CBR4: variants seen among roughly 807,000 people sequenced by gnomAD.
CBR4 encodes the protein 3-oxoacyl-[acyl-carrier-protein] reductase.
CBR4 carries 22 observed loss-of-function variants against 21.0 expected under a neutral mutation model. That is an observed-to-expected ratio of 1.05 (90% CI 0.75 to 1.50). The LOEUF (loss-of-function observed/expected upper bound fraction) is 1.50. Among genes scored for constraint, CBR4 ranks in the 40% most tolerant of loss-of-function variants. The pLI is 0.00. For missense variants in CBR4, 302 were observed against 286.3 expected, an observed-to-expected ratio of 1.05 and a Z score of -0.40; for synonymous variants, 100 against 104.4, an observed-to-expected ratio of 0.96 and a Z score of 0.26.
chr4:168,976,557 TGTA>T (rs1359112178), intron 2 of CBR4, among the ~76,000 whole-genome samples: 3 of 152,218 alleles, frequency 2.0e-5, no homozygotes, highest in East Asian at 1.9e-4. Flanking sequence ...GGGTGGATCT[TGTA>T]GTACATTCTC....
chr4:168,984,365 A>G (rs185738776), downstream of CBR4, among the ~76,000 whole-genome samples: 197 of 152,312 alleles, frequency 1.3e-3, 5 homozygotes, highest in Middle Eastern at 3.4e-3. Flanking sequence ...AAGCAATTCT[A>G]CAATGAGAAT....
intron 2 of CBR4, among the ~76,000 whole-genome samples, chr4:168,911,772 G>T (rs1179064673): frequency 6.6e-6 from 1 of 152,220 alleles, no homozygotes; most frequent in South Asian, 2.1e-4. Flanking sequence ...ATCTGAGCTA[G>T]AAATAATTCT....
In CBR4 at chr4:168,913,973, A is replaced by G. The variant is rs780764400; in HGVS notation, n.170-19208T>C. The G allele has an allele frequency of 2.5e-6, 4 of 1,613,578 alleles. No individual in the cohort carries two copies. The highest frequency in any genetic ancestry group is 2.5e-6 in the Non-Finnish European group (3 of 1,179,482). On this transcript the variant is annotated intron_variant and non_coding_transcript_variant, in intron 2 of 3. Coordinates refer to the CBR4 transcript ENST00000509108. ...CGGCTAATGGTACAGGCTGTCAACC[A>G]AAGAGGTCGAAGTCCCCGGTCTCCC...
At chr4:168,902,536 G>A (rs894577951) in intron 2 of CBR4, among the ~76,000 whole-genome samples, 10 of 152,050 alleles carry the variant, frequency 6.6e-5, no homozygotes, top group Non-Finnish European at 1.3e-4. Flanking sequence ...CAGCTACTCT[G>A]GAGGCTGAGG....
At chr4:168,898,777 C>T (rs1469967195) in intron 2 of CBR4, 46 of 991,078 alleles carry the variant, frequency 4.6e-5, no homozygotes, top group Non-Finnish European at 4.2e-5. Flanking sequence ...GCTTCCAAAA[C>T]ATAGCATGCC....
intron 2 of CBR4, chr4:168,926,105 G>T: frequency 1.1e-6 from 1 of 900,020 alleles, no homozygotes; most frequent in Non-Finnish European, 1.6e-6. Context: ...CCATGGATGT[G>T]TTCAGGTGCC....
chr4:168,934,273 C>CAAAAAAAAAAAAAAAA (rs1206272373), intron 2 of CBR4, among the ~76,000 whole-genome samples: 1 of 10,670 alleles, frequency 9.4e-5, no homozygotes, highest in Non-Finnish European at 2.0e-4. Context: ...ACTAGAAAAG[C>CAAAAAAAAAAAAAAAA]AAAAAAAACA....
chr4:168,975,845 T>C (rs1764355527), intron 2 of CBR4, among the ~76,000 whole-genome samples: 1 of 152,078 alleles, frequency 6.6e-6, no homozygotes, highest in South Asian at 2.1e-4. Context: ...CTCTGCTGCA[T>C]CATACAGGTT....
chr4:168,966,592 CT>C (rs1764043364), intron 2 of CBR4, among the ~76,000 whole-genome samples: 1 of 152,074 alleles, frequency 6.6e-6, no homozygotes, highest in Non-Finnish European at 1.5e-5. Context: ...AATAAGAACT[CT>C]TTTACACTGT....
intron 2 of CBR4, among the ~76,000 whole-genome samples, chr4:168,957,922 C>T (rs1450136969): frequency 2.0e-5 from 3 of 152,164 alleles, no homozygotes; most frequent in Non-Finnish European, 2.9e-5. Context: ...CTACACTCAG[C>T]ACTTCTTGCT....
rs1283336935 is a variant in CBR4 at position 168,928,523 on chromosome 4, C to CATT, written n.170-33761_170-33759dup. The CATT allele has an allele frequency of 3.0e-5, 5 of 164,722 alleles. 1 individual carries two copies. In the South Asian group the frequency reaches 8.1e-4, roughly 27 times the overall value. The allele number at this position is 164,722 out of a possible 1,614,324, so 10.2% of individuals were successfully genotyped here. A position where few individuals can be genotyped will look rare whatever the true frequency, so the allele number is the denominator to read the frequency against. On this transcript the variant is annotated intron_variant and non_coding_transcript_variant, in intron 2 of 3. Coordinates refer to the CBR4 transcript ENST00000509108. ...TGATGTTTGAGGCTTCAGCATCACT[C>CATT]ATTTATTACTCACAGTTCTGTAAAT... is the stretch of plus-strand genomic sequence containing the variant.
chr4:168,944,271 C>G (rs1763343300), intron 2 of CBR4, among the ~76,000 whole-genome samples: 2 of 151,314 alleles, frequency 1.3e-5, no homozygotes, highest in South Asian at 2.1e-4. Flanking sequence ...GTAGTGAGAC[C>G]CCCCATCTCT....
chr4:168,943,475 T>C (rs1448516542), intron 2 of CBR4, among the ~76,000 whole-genome samples: 1 of 152,222 alleles, frequency 6.6e-6, no homozygotes, highest in Non-Finnish European at 1.5e-5. Flanking sequence ...TTGAGAAAGC[T>C]AACTCAGCCA....
intron 2 of CBR4, among the ~76,000 whole-genome samples, chr4:168,920,437 CTTCAAA>C (rs1761222215): frequency 6.6e-6 from 1 of 152,106 alleles, no homozygotes; most frequent in East Asian, 1.9e-4. Flanking sequence ...AAAGCTAGTT[CTTCAAA>C]AGAACTGTTT....
At chr4:168,954,556 T>C (rs914721320) in intron 2 of CBR4, among the ~76,000 whole-genome samples, 1 of 152,218 alleles carries the variant, frequency 6.6e-6, no homozygotes, top group Non-Finnish European at 1.5e-5. Context: ...AATTTCAACA[T>C]GAGTTTTGGA....
intron 2 of CBR4, among the ~76,000 whole-genome samples, chr4:168,967,871 A>C (rs1764089848): frequency 6.6e-6 from 1 of 152,236 alleles, no homozygotes; most frequent in Non-Finnish European, 1.5e-5. Context: ...AGCAATTATT[A>C]ATGCCAGGAA....
At chr4:168,947,849 T>A (rs993512892) in intron 2 of CBR4, among the ~76,000 whole-genome samples, 1 of 152,188 alleles carries the variant, frequency 6.6e-6, no homozygotes, top group Non-Finnish European at 1.5e-5. Flanking sequence ...TGTGTGCAAG[T>A]ATCTTTTTCA....
chr4:168,944,046 G>T (rs1008418298), intron 2 of CBR4, among the ~76,000 whole-genome samples: 1 of 152,170 alleles, frequency 6.6e-6, no homozygotes, highest in Non-Finnish European at 1.5e-5. Context: ...ATGCTTTTTA[G>T]TACTTTTTAA....
At chr4:168,910,818 C>T (rs948790467) in intron 2 of CBR4, among the ~76,000 whole-genome samples, 10 of 152,142 alleles carry the variant, frequency 6.6e-5, no homozygotes, top group Non-Finnish European at 1.5e-4. Context: ...GTATTTAAGG[C>T]TCATTCCAGG....
Sources: gnomAD v4.1 joint callset for allele counts (sites outside exome capture counted in the v4.1 genomes callset) on GRCh38, gnomAD v4.1.1 for gene constraint, MANE v1.5 for transcripts, NCBI Gene and HGNC (gene_info 2026-07-23, HGNC 2026-07-21) for gene names.